Variants in TAS2R1 observed in about 807,000 individuals in gnomAD.
TAS2R1 encodes taste 2 receptor member 1, also known as taste receptor type 2 member 1.
For missense variants in TAS2R1, 370 were observed against 353.4 expected (o/e 1.05, Z -0.38); for synonymous variants, 141 against 134.2 (o/e 1.05, Z -0.35).
At chr5:9,888,977 T>C in the TAS2R1 span, among the ~76,000 whole-genome samples, 1 of 152,234 alleles carries the variant, frequency 6.6e-6, no homozygotes, top group Admixed American at 6.5e-5. Flanking sequence ...TTAAGAGTTA[T>C]GCAGAAGCCT....
At chr5:9,746,586 A>G in the TAS2R1 span, among the ~76,000 whole-genome samples, 2 of 152,250 alleles carry the variant, frequency 1.3e-5, no homozygotes, top group Admixed American at 6.5e-5. Context: ...CTGTGCAGCC[A>G]TAAAAAAGAA....
intron 2 of TAS2R1, chr5:9,658,484 G>GCC (rs1463967125): frequency 1.3e-5 from 2 of 152,170 alleles, no homozygotes; most frequent in African/African-American, 2.4e-5. Context: ...TGGTGTTAGG[G>GCC]CCCGTGAATG....
At chr5:9,871,727 T>G in the TAS2R1 span, among the ~76,000 whole-genome samples, 1 of 152,362 alleles carries the variant, frequency 6.6e-6, no homozygotes, top group South Asian at 2.1e-4. Context: ...AGTCCATTGA[T>G]AGCTGTCATT....
intron 1 of TAS2R1, among the ~76,000 whole-genome samples, chr5:9,668,647 T>C (rs780682118): frequency 6.6e-6 from 1 of 152,208 alleles, no homozygotes; most frequent in Non-Finnish European, 1.5e-5. Flanking sequence ...AAGAATTTTA[T>C]ATCTGGCCAA....
chr5:9,705,303 A>G (rs1456681375), intron 1 of TAS2R1, among the ~76,000 whole-genome samples: 1 of 152,202 alleles, frequency 6.6e-6, no homozygotes, highest in Non-Finnish European at 1.5e-5. Context: ...ATGGAAGATG[A>G]TCTTTAATTT....
intron 1 of TAS2R1, among the ~76,000 whole-genome samples, chr5:9,661,129 T>C (rs1740524331): frequency 6.6e-6 from 1 of 152,222 alleles, no homozygotes; most frequent in African/African-American, 2.4e-5. Context: ...TTTTGGTCAT[T>C]TGTTATGGCA....
chr5:9,788,567 C>T, the TAS2R1 span, among the ~76,000 whole-genome samples: 2 of 152,052 alleles, frequency 1.3e-5, no homozygotes, highest in Non-Finnish European at 2.9e-5. Flanking sequence ...AGAGTAGAAG[C>T]ATTTCTACTA....
intron 2 of TAS2R1, among the ~76,000 whole-genome samples, chr5:9,654,703 G>A (rs1427591410): frequency 6.6e-6 from 1 of 152,194 alleles, no homozygotes; most frequent in African/African-American, 2.4e-5. Context: ...GAAAGATAAA[G>A]TTAGGTTCCC....
At chr5:9,807,374 A>G in the TAS2R1 span, among the ~76,000 whole-genome samples, 1 of 152,180 alleles carries the variant, frequency 6.6e-6, no homozygotes, top group Non-Finnish European at 1.5e-5. Context: ...TATATCTATT[A>G]TTTGATCCAG....
At chr5:9,877,172 C>T in the TAS2R1 span, among the ~76,000 whole-genome samples, 3,568 of 152,308 alleles carry the variant, frequency 0.023, 134 homozygotes, top group African/African-American at 0.078. Context: ...TATATTTTCA[C>T]AACTGGCCTC....
chr5:9,778,725 G>A, the TAS2R1 span, among the ~76,000 whole-genome samples: 1 of 152,188 alleles, frequency 6.6e-6, no homozygotes, highest in African/African-American at 2.4e-5. Flanking sequence ...CTTTTCTCCT[G>A]TAGTTTTCTC....
chr5:9,816,448 G>A, the TAS2R1 span, among the ~76,000 whole-genome samples: 1 of 151,962 alleles, frequency 6.6e-6, no homozygotes, highest in African/African-American at 2.4e-5. Context: ...AAATTACCAG[G>A]AATGGAGAAT....
At chr5:9,897,221 T>A in the TAS2R1 span, among the ~76,000 whole-genome samples, 1 of 152,194 alleles carries the variant, frequency 6.6e-6, no homozygotes, top group East Asian at 1.9e-4. Context: ...GAGGCCAAGG[T>A]GGGTAGATCA....
intron 1 of TAS2R1, among the ~76,000 whole-genome samples, chr5:9,711,108 C>T (rs1741727530): frequency 6.6e-6 from 1 of 151,616 alleles, no homozygotes; most frequent in South Asian, 2.1e-4. Context: ...CTATGGAGAT[C>T]ATCAAAAAAT....
chr5:9,846,584 A>G, the TAS2R1 span, among the ~76,000 whole-genome samples: 1 of 152,180 alleles, frequency 6.6e-6, no homozygotes, highest in Non-Finnish European at 1.5e-5. Flanking sequence ...AAAAATATTC[A>G]ACACTCACCT....
At chr5:9,731,393 T>C in the TAS2R1 span, among the ~76,000 whole-genome samples, 1 of 152,140 alleles carries the variant, frequency 6.6e-6, no homozygotes, top group African/African-American at 2.4e-5. Flanking sequence ...CCTCGTGTCT[T>C]CTGTTGCCCT....
the TAS2R1 span, among the ~76,000 whole-genome samples, chr5:9,832,583 T>A: frequency 6.6e-6 from 1 of 152,104 alleles, no homozygotes; most frequent in Non-Finnish European, 1.5e-5. Context: ...AGGAGAAAAT[T>A]AACTGTTGGG....
At chr5:9,687,034 G>A (rs1011299887) in intron 1 of TAS2R1, among the ~76,000 whole-genome samples, 8 of 152,008 alleles carry the variant, frequency 5.3e-5, no homozygotes, top group Middle Eastern at 3.4e-3. Flanking sequence ...GCACAATCTC[G>A]GCTCACTGCA....
chr5:9,719,935 AAAAC>A, the TAS2R1 span, among the ~76,000 whole-genome samples: 1 of 135,292 alleles, frequency 7.4e-6, no homozygotes, highest in African/African-American at 2.8e-5. Context: ...AAAAAAAAAA[AAAAC>A]AAAAACAAAA....
Sources: gnomAD v4.1 joint callset for allele counts (sites outside exome capture counted in the v4.1 genomes callset) on GRCh38, gnomAD v4.1.1 for gene constraint, MANE v1.5 for transcripts, NCBI Gene and HGNC (gene_info 2026-07-23, HGNC 2026-07-21) for gene names.